Variants in SPATA21 observed in about 807,000 individuals in gnomAD.
SPATA21 encodes the protein spermatogenesis-associated protein 21.
SPATA21 carries 47 observed loss-of-function variants against 54.8 expected under a neutral mutation model. The observed-to-expected ratio is 0.86, with a 90% CI of 0.68 to 1.09. SPATA21 has a LOEUF of 1.09. Among genes scored for constraint, SPATA21 ranks in the 50% least tolerant of loss-of-function variants. SPATA21 has a pLI of 0.00. For missense variants in SPATA21, 599 were observed against 596.4 expected, an observed-to-expected ratio of 1.00 and a Z score of -0.05; for synonymous variants, 245 against 235.3, an observed-to-expected ratio of 1.04 and a Z score of -0.38.
At position 16,399,520 on chromosome 1, in the gene SPATA21, A is replaced by G; in HGVS notation, c.1176T>C (p.Ala392=). Residue 392 remains alanine (A), a splice_region_variant and synonymous_variant, in exon 12 of 13, where the codon GCT becomes GCC. Transcript: ENST00000335496. ...ILSRLKQQNY[A]PNLQSPYAQV... ...GGGCATAGGGGCTCTGCAGGTTGGG[A>G]GCTGGTGAAGAAGGAGGCAGAAGGA... is the stretch of plus-strand genomic sequence containing the variant. 1.2e-6 allele frequency: 2 copies of G among 1,612,258 alleles called. No individual in the cohort carries two copies. The highest frequency in any genetic ancestry group is 3.3e-5 in the Admixed American group (2 of 59,704).
At chr1:16,434,708 C>T (rs190154096) in intron 1 of SPATA21, among the ~76,000 whole-genome samples, 1 of 152,300 alleles carries the variant, frequency 6.6e-6, no homozygotes, top group East Asian at 1.9e-4. Flanking sequence ...AACGGAATTG[C>T]TGAATCACAT....
chr1:16,398,602 G>A, downstream of SPATA21: 3 of 733,200 alleles, frequency 4.1e-6, no homozygotes, highest in Middle Eastern at 3.8e-4. Flanking sequence ...TGGTGGCTGG[G>A]TGACAACTTG....
chr1:16,400,464 C>G, intron 11 of SPATA21: 1 of 1,229,272 alleles, frequency 8.1e-7, no homozygotes, highest in Non-Finnish European at 1.0e-6. Context: ...TTTCTCAGTC[C>G]TGGCTCATGG....
rs150645786 is a variant in SPATA21, at chr1:16,410,833, A to G, written c.145-790T>C. On this transcript the variant is annotated intron_variant, in intron 5 of 12. Coordinates refer to ENST00000335496, the MANE Select transcript of SPATA21 (RefSeq NM_198546.1). Reference sequence around the variant, plus strand: ...AGTGCTGGGATGACAAGCGTGTTCCACCGCGCCCGGCTGAGCCATGGTCTT... The same window carrying G: ...AGTGCTGGGATGACAAGCGTGTTCCGCCGCGCCCGGCTGAGCCATGGTCTT... 1,527 of 403,198 alleles carry G rather than the reference A, an allele frequency of 3.8e-3. 18 individuals are homozygous for G. Among genetic ancestry groups the G allele is most frequent in the African/African-American group, 0.024 (1,128 of 47,338 alleles). The allele number at this position is 403,198 out of a possible 1,614,324, so 25.0% of individuals were successfully genotyped here.
rs778670029 is a variant in SPATA21 at position 16,426,557 on chromosome 1, C to CTATATATATATA, written c.35-4598_35-4587dup. 7.0e-3 allele frequency among the ~76,000 whole-genome samples: 602 copies of CTATATATATATA among 85,686 alleles called. 10 individuals carry two copies. The highest frequency in any genetic ancestry group is 0.027 in the East Asian group (35 of 1,314). The allele number at this position is 85,686 out of a possible 152,430, so 56.2% of individuals were successfully genotyped here. Reference sequence around the variant, plus strand: ...TACAGGCGTGAACCATGGTGCCCGGCTATATATATATATATATATATATTT... The same window carrying CTATATATATATA: ...TACAGGCGTGAACCATGGTGCCCGGCTATATATATATATATATATATATATATATATATATTT... On this transcript the variant is annotated intron_variant, in intron 3 of 12. Transcript: ENST00000335496.
At position 16,409,629 on chromosome 1, in the gene SPATA21, C is replaced by T. The variant is rs767311556; in HGVS notation, c.559G>A (p.Glu187Lys). 31 of 1,612,574 alleles carry T rather than the reference C, an allele frequency of 1.9e-5. No homozygotes were observed. The highest frequency in any genetic ancestry group is 4.4e-5 in the South Asian group (4 of 90,994). ...RRMELLHQSSERTLSYAKARQ... is the reference protein window; with the variant it reads ...RRMELLHQSSKRTLSYAKARQ... ...GCCTTGGCGTAGCTCAGGGTTCTCT[C>T]GCTGCTCTGGTGCAAGAGTTCCATC... The change falls in exon 6 of 13, where the codon GAG becomes AAG. Residue 187 changes from glutamate (E) to lysine (K), a missense_variant. Physicochemically the swap from Glu to Lys is moderately conservative, Grantham distance 56 (BLOSUM62 1). Coordinates refer to ENST00000335496, the MANE Select transcript of SPATA21 (RefSeq NM_198546.1). The surrounding 1 kb of genome is among the most constrained non-coding windows in gnomAD (Gnocchi z 4.1).
chr1:16,421,684 AG>A lies in SPATA21; in HGVS notation c.96-128del. ...CTCATCCCCTTGGCCTTCTCATCTCAGGGGGCTCCTTATGTCCCCACATCCT... is the reference window on the plus strand; with the variant it reads ...CTCATCCCCTTGGCCTTCTCATCTCAGGGGCTCCTTATGTCCCCACATCCT... On this transcript the variant is annotated intron_variant, in intron 4 of 12. Coordinates refer to ENST00000335496, the MANE Select transcript of SPATA21 (RefSeq NM_198546.1). This position sits in a 1 kb window ranked among gnomAD's most constrained non-coding sequence, Gnocchi z 5.2. 1.7e-6 allele frequency: 2 copies of A among 1,161,086 alleles called. No homozygotes were observed. Among genetic ancestry groups the A allele is most frequent in the African/African-American group, 1.5e-5 (1 of 64,750 alleles). 71.9% of individuals were successfully genotyped at this position (1,161,086 alleles called of 1,614,324 possible).
chr1:16,431,418 T>C lies in SPATA21; in HGVS notation c.-47A>G, dbSNP rs1570221707. 6.2e-7 allele frequency: 1 copy of C among 1,611,348 alleles called. No individual in the cohort carries two copies. The highest frequency in any genetic ancestry group is 1.1e-5 in the South Asian group (1 of 90,666). Reference sequence around the variant, plus strand: ...GCCAAGTGAGGGGCATCACCTAGTGTGCTCCTACAGGAGAAATCCAATCAA... The same window carrying C: ...GCCAAGTGAGGGGCATCACCTAGTGCGCTCCTACAGGAGAAATCCAATCAA... On this transcript the variant is annotated 5_prime_UTR_variant, in exon 3 of 13. Transcript: ENST00000335496.
intron 7 of SPATA21, among the ~76,000 whole-genome samples, chr1:16,405,956 C>T (rs745612223): frequency 1.3e-5 from 2 of 152,168 alleles, no homozygotes. Context: ...TGTAAAGAGC[C>T]TAGTCCAGTG....
chr1:16,428,313 C>T lies in SPATA21; in HGVS notation c.34+3025G>A, dbSNP rs2086372842. On this transcript the variant is annotated intron_variant, in intron 3 of 12. Transcript: ENST00000335496. The surrounding 1 kb of genome is among the most constrained non-coding windows in gnomAD (Gnocchi z 4.3). The stretch of plus-strand genomic sequence containing the variant: ...GCTTGAAAGAGCACCCTGGGGGACC[C>T]CAAGACTCTCACAAGGTCCAAGAGA... Among the ~76,000 whole-genome samples, 1 of 152,168 alleles carries T rather than the reference C, an allele frequency of 6.6e-6. No individual in the cohort carries two copies. The highest frequency in any genetic ancestry group is 2.1e-4 in the South Asian group (1 of 4,834).
Position 16,399,446 on chromosome 1 carries a change from C to T in SPATA21, c.1250G>A (p.Arg417His), listed in dbSNP as rs764461486. The change falls in exon 12 of 13, where the codon CGT becomes CAT. Residue 417 changes from arginine (R) to histidine (H), a missense_variant. Transcript: ENST00000335496. ...TGCATAGTGGTTGCTCGGCTGCCTA[C>T]GGACCATCTTCTTGTCCAGCTGTGG... The part of the protein sequence containing the change: ...LCPQLDKKMV[R>H]RQPSNHYALD... The T allele has an allele frequency of 1.7e-5, 27 of 1,614,026 alleles. No homozygotes were observed. The highest frequency in any genetic ancestry group is 1.2e-4 in the Admixed American group (7 of 60,002).
At chr1:16,435,614 G>GC (rs1161078418) in intron 1 of SPATA21, among the ~76,000 whole-genome samples, 20 of 149,248 alleles carry the variant, frequency 1.3e-4, no homozygotes, top group South Asian at 4.2e-4. Context: ...ACCATGCCCG[G>GC]CCCCCCCCTT....
chr1:16,420,227 C>T (rs925002704), intron 5 of SPATA21, among the ~76,000 whole-genome samples: 1 of 151,922 alleles, frequency 6.6e-6, no homozygotes, highest in Non-Finnish European at 1.5e-5. Flanking sequence ...GGACAGAGCT[C>T]TTCCATTTGA....
intron 5 of SPATA21, among the ~76,000 whole-genome samples, chr1:16,414,944 A>G (rs2085958046): frequency 6.7e-6 from 1 of 149,610 alleles, no homozygotes. Context: ...CAGCCTAGAA[A>G]AGAGACCCAT....
chr1:16,427,933 A>C, intron 3 of SPATA21: 1 of 1,550,202 alleles, frequency 6.5e-7, no homozygotes, highest in Non-Finnish European at 8.7e-7. Context: ...TGCATCTCTG[A>C]GTCTGGGCCC....
chr1:16,402,475 A>C (rs1456947777), intron 10 of SPATA21, among the ~76,000 whole-genome samples: 3 of 151,156 alleles, frequency 2.0e-5, no homozygotes, highest in Admixed American at 6.6e-5. Flanking sequence ...GTTAGCCAGG[A>C]TGCTCTCGAT....
intron 5 of SPATA21, among the ~76,000 whole-genome samples, chr1:16,420,577 T>C (rs139889226): frequency 2.1e-3 from 319 of 152,060 alleles, no homozygotes; most frequent in African/African-American, 7.2e-3. Flanking sequence ...CATGTTTGTA[T>C]GCTGATGGAA....
rs1195877849 is a variant in SPATA21 at position 16,428,156 on chromosome 1, G to A, written c.34+3182C>T. ...GTGCCTGATTGGGGAAGCTGTTGGA[G>A]AGGGGTGAGCAGGAGCTGAGAGGCA... On this transcript the variant is annotated intron_variant, in intron 3 of 12. Transcript: ENST00000335496. The surrounding 1 kb of genome is among the most constrained non-coding windows in gnomAD (Gnocchi z 4.3). 5.1e-6 allele frequency: 6 copies of A among 1,180,086 alleles called. No individual in the cohort carries two copies. The allele number at this position is 1,180,086 out of a possible 1,614,324, so 73.1% of individuals were successfully genotyped here. A position where few individuals can be genotyped will look rare whatever the true frequency, so the allele number is the denominator to read the frequency against.
intron 5 of SPATA21, among the ~76,000 whole-genome samples, chr1:16,413,084 C>T (rs762540083): frequency 2.0e-5 from 3 of 151,920 alleles, no homozygotes; most frequent in Non-Finnish European, 4.4e-5. Context: ...GCCCGGCCAA[C>T]GATTTTTTTT....
Sources: allele counts gnomAD v4.1 joint callset (sites outside exome capture counted in the v4.1 genomes callset), GRCh38; gene constraint gnomAD v4.1.1; non-coding constraint Gnocchi (gnomAD v3.1); transcripts MANE v1.5; gene names NCBI Gene and HGNC (gene_info 2026-07-23, HGNC 2026-07-21).